The following CAPZA2 variants were observed in gnomAD, a reference collection of about 807,000 sequenced individuals.
The protein encoded by CAPZA2 is F-actin-capping protein subunit alpha-2.
Under a neutral mutation model 44.0 loss-of-function variants are expected in CAPZA2, and 13 were observed. The observed-to-expected ratio is 0.30, with a 90% CI of 0.19 to 0.47. The LOEUF (loss-of-function observed/expected upper bound fraction) is 0.47, where lower values mean the gene tolerates loss of function less well. CAPZA2 is among the 20% of genes least tolerant of loss of function. The pLI is 1.00. For missense variants in CAPZA2, 244 were observed against 338.6 expected, an observed-to-expected ratio of 0.72 and a Z score of 2.19; for synonymous variants, 94 against 108.2, an observed-to-expected ratio of 0.87 and a Z score of 0.81.
intron 2 of CAPZA2, among the ~76,000 whole-genome samples, chr7:116,891,066 A>G (rs1168475992): frequency 6.6e-6 from 1 of 152,182 alleles, no homozygotes; most frequent in African/African-American, 2.4e-5. Flanking sequence ...GGGCTCTGAA[A>G]TCTACATTCC....
Position 116,917,737 on chromosome 7 carries a change from G to A in CAPZA2, c.731G>A (p.Ser244Asn). 1.2e-6 allele frequency: 2 copies of A among 1,606,834 alleles called. No homozygotes were observed. Among genetic ancestry groups the A allele is most frequent in the East Asian group, 2.2e-5 (1 of 44,852 alleles). ...AAENEYQTAI[S>N]ENYQTMSDTT... The stretch of plus-strand genomic sequence containing the variant: ...TATTGTTTTTCATAGACTGCCATCA[G>A]TGAGAATTATCAGACAATGTCGGAC... The change falls in exon 10 of 10, where the codon AGT becomes AAT. Residue 244 changes from serine (S) to asparagine (N), a missense_variant. Physicochemically the swap from Ser to Asn is conservative, Grantham distance 46. Transcript: ENST00000361183.
rs1024890030 is a variant in CAPZA2 at position 116,892,975 on chromosome 7, T to A, written c.104-19T>A. On this transcript the variant is annotated intron_variant, in intron 2 of 9. Transcript: ENST00000361183. ...AAACATATAACAATAATAATGTAGA[T>A]AACATAATTGTTTTGCAGATGTTCG... 1 of 1,553,742 alleles carries A rather than the reference T, an allele frequency of 6.4e-7. No individual in the cohort carries two copies.
intron 1 of CAPZA2, among the ~76,000 whole-genome samples, chr7:116,863,002 G>A (rs1423242151): frequency 1.3e-5 from 2 of 152,086 alleles, no homozygotes; most frequent in African/African-American, 4.8e-5. Context: ...CGCCGGGGCC[G>A]GGGACCGGGG....
chr7:116,908,675 A>G (rs1413402431), intron 6 of CAPZA2, among the ~76,000 whole-genome samples: 1 of 152,114 alleles, frequency 6.6e-6, no homozygotes, highest in Non-Finnish European at 1.5e-5. Flanking sequence ...ATATAAATGT[A>G]TATTGTCCTA....
chr7:116,893,571 A>G (rs1263304187), intron 3 of CAPZA2, among the ~76,000 whole-genome samples: 4 of 152,240 alleles, frequency 2.6e-5, no homozygotes, highest in African/African-American at 9.6e-5. Context: ...TATGACATGA[A>G]ATTATTCACT....
intron 3 of CAPZA2, among the ~76,000 whole-genome samples, chr7:116,897,041 A>G (rs1184748178): frequency 1.3e-5 from 2 of 152,098 alleles, no homozygotes; most frequent in African/African-American, 4.8e-5. Flanking sequence ...CCTATTTCAT[A>G]TTACTTGTCT....
chr7:116,904,153 T>A, intron 4 of CAPZA2, 24 bp from the exon 5 acceptor site: 4 of 1,458,100 alleles, frequency 2.7e-6, no homozygotes, highest in Non-Finnish European at 3.8e-6. Flanking sequence ...TTATTTTTTT[T>A]CTAAATTCAT....
intron 7 of CAPZA2, 129 bp from the exon 8 acceptor site, chr7:116,911,940 T>G: frequency 6.8e-7 from 1 of 1,473,456 alleles, no homozygotes; most frequent in East Asian, 2.4e-5. Context: ...TTCAAAAGTT[T>G]TGGGGCTCAG....
intron 1 of CAPZA2, among the ~76,000 whole-genome samples, chr7:116,885,496 G>A (rs1796751481): frequency 6.6e-6 from 1 of 152,022 alleles, no homozygotes; most frequent in Admixed American, 6.6e-5. Context: ...CATCTACCTG[G>A]AGATAGTCAC....
At chr7:116,874,592 G>A (rs964762694) in intron 1 of CAPZA2, 1 of 152,226 alleles carries the variant, frequency 6.6e-6, no homozygotes, top group Non-Finnish European at 1.5e-5. Flanking sequence ...ATCAGCAGAA[G>A]GTGTTTTTCA....
chr7:116,862,806 C>T (rs1190361397), intron 1 of CAPZA2, among the ~76,000 whole-genome samples, 156 bp downstream of exon 1: 2 of 152,066 alleles, frequency 1.3e-5, no homozygotes, highest in Non-Finnish European at 2.9e-5. Flanking sequence ...CCAGTGCCTG[C>T]CCCTGTCCGT....
At chr7:116,903,828 T>C (rs948618428) in intron 4 of CAPZA2, among the ~76,000 whole-genome samples, 17 of 152,182 alleles carry the variant, frequency 1.1e-4, no homozygotes, top group Non-Finnish European at 2.4e-4. Flanking sequence ...GTTCTGTAGT[T>C]TTGAGGAACT....
intron 3 of CAPZA2, among the ~76,000 whole-genome samples, chr7:116,898,115 A>T (rs1180701096): frequency 2.6e-5 from 4 of 152,080 alleles, no homozygotes; most frequent in African/African-American, 7.2e-5. Context: ...CATTTTGCTC[A>T]TACGGTCACT....
intron 1 of CAPZA2, chr7:116,875,138 A>G (rs1466469855): frequency 2.0e-5 from 3 of 152,114 alleles, no homozygotes; most frequent in Non-Finnish European, 4.4e-5. Context: ...TTGAAAGATG[A>G]ATATCCTTTT....
intron 1 of CAPZA2, among the ~76,000 whole-genome samples, chr7:116,866,086 C>CT (rs909090689): frequency 1.3e-5 from 2 of 152,116 alleles, no homozygotes; most frequent in African/African-American, 4.8e-5. Context: ...GTTTAATAAC[C>CT]TTTTCTCCTT....
chr7:116,871,228 C>G (rs985545064), intron 1 of CAPZA2, among the ~76,000 whole-genome samples: 1 of 152,030 alleles, frequency 6.6e-6, no homozygotes, highest in Non-Finnish European at 1.5e-5. Context: ...CCCTTGAGGT[C>G]GAAGTGTTAC....
intron 1 of CAPZA2, chr7:116,875,990 G>T (rs1201461177): frequency 6.6e-6 from 1 of 152,168 alleles, no homozygotes. Flanking sequence ...GGTGGCTGAT[G>T]CCTGTAATCC....
intron 2 of CAPZA2, among the ~76,000 whole-genome samples, chr7:116,889,841 A>G (rs1005893182): frequency 2.6e-5 from 4 of 152,248 alleles, no homozygotes; most frequent in African/African-American, 4.8e-5. Context: ...TAATATAACT[A>G]CAAAATCTCA....
intron 8 of CAPZA2, 116 bp downstream of exon 8, chr7:116,912,256 ATTAAAG>A (rs1791606312): frequency 6.8e-7 from 1 of 1,463,902 alleles, no homozygotes; most frequent in African/African-American, 1.4e-5. Flanking sequence ...TTTCTGATAG[ATTAAAG>A]ATAAGTAATT....
Sources: allele counts gnomAD v4.1 joint callset (sites outside exome capture counted in the v4.1 genomes callset), GRCh38; gene constraint gnomAD v4.1.1; transcripts MANE v1.5; gene names NCBI Gene and HGNC (gene_info 2026-07-23, HGNC 2026-07-21).